Variants in PMFBP1 observed in about 807,000 individuals in gnomAD.
PMFBP1 encodes polyamine-modulated factor 1-binding protein 1.
In PMFBP1, 131 loss-of-function variants were observed where a neutral mutation model predicts 137.8. That is an observed-to-expected ratio of 0.95 (90% CI 0.82 to 1.10). The LOEUF (loss-of-function observed/expected upper bound fraction) is 1.10. Among genes scored for constraint, PMFBP1 ranks in the 50% least tolerant of loss-of-function variants. The probability of loss-of-function intolerance (pLI) is 0.00; values close to 1 mark genes in which losing one functional copy is unlikely to be tolerated. For synonymous variants in PMFBP1, 490 were observed against 450.4 expected, an observed-to-expected ratio of 1.09 and a Z score of -1.11; for missense variants, 1,199 against 1,175.4, an observed-to-expected ratio of 1.02 and a Z score of -0.29.
chr16:72,222,584 C>G, the PMFBP1 span, among the ~76,000 whole-genome samples: 1 of 152,106 alleles, frequency 6.6e-6, no homozygotes, highest in Admixed American at 6.5e-5. Context: ...CTGTGCCCAT[C>G]CCTCAGGTCA....
At position 72,130,601 on chromosome 16, in the gene PMFBP1, T is replaced by G. The variant is rs1233680837; in HGVS notation, c.1569A>C (p.Glu523Asp). ...GCAGCATCTGAAGTTCTCTCTGTAG[T>G]TCCTGGATGGTGTCTGCCTTCTGCT... ...LDKQKADTIQ[E>D]LQRELQMLQK... Residue 523 changes from glutamate (E) to aspartate (D), a missense_variant, in exon 11 of 21, where the codon GAA becomes GAC. By Grantham distance (45) the Glu-to-Asp change is conservative. Coordinates refer to ENST00000237353, the MANE Select transcript of PMFBP1 (RefSeq NM_031293.3). The G allele has an allele frequency of 1.2e-6, 2 of 1,614,002 alleles. No individual in the cohort carries two copies. Among genetic ancestry groups the G allele is most frequent in the East Asian group, 4.5e-5 (2 of 44,840 alleles).
chr16:72,137,629 G>T (rs2042652585), intron 7 of PMFBP1, among the ~76,000 whole-genome samples: 1 of 152,146 alleles, frequency 6.6e-6, no homozygotes, highest in South Asian at 2.1e-4. Flanking sequence ...CAGGCAATGG[G>T]GAGAGCTGGA....
In PMFBP1 at chr16:72,136,763, G is replaced by C. The variant is rs1442144737; in HGVS notation, c.975C>G (p.Tyr325Ter). The change falls in exon 8 of 21, where the codon TAC becomes TAG. Residue 325 changes from tyrosine to a stop codon, truncating the protein, a stop_gained. Transcript: ENST00000237353. LOFTEE classifies it high-confidence loss of function. ...CGCGCAGATCCTTCACCAGGTTCTG[G>C]TACTCCTCCACATGCAGGCACTGGC... The part of the protein sequence containing the change: ...KDSQCLHVEE[Y>*]QNLVKDLRVE... 6.2e-7 allele frequency: 1 copy of C among 1,613,950 alleles called. No individual in the cohort carries two copies. The highest frequency in any genetic ancestry group is 8.5e-7 in the Non-Finnish European group (1 of 1,180,020).
At position 72,141,486 on chromosome 16, in the gene PMFBP1, A is replaced by T. The variant is rs994795468; in HGVS notation, c.637-904T>A. 5.9e-5 allele frequency among the ~76,000 whole-genome samples: 9 copies of T among 152,324 alleles called. No individual in the cohort carries two copies. The South Asian group carries it at 1.0e-3, about 18-fold the overall frequency. ...ACTTTCCAGAGATGACAGTCTGTGCATATTCTAGAACTTTATACTATATTT... is the reference window on the plus strand; with the variant it reads ...ACTTTCCAGAGATGACAGTCTGTGCTTATTCTAGAACTTTATACTATATTT... On this transcript the variant is annotated intron_variant, in intron 5 of 20. Coordinates refer to ENST00000237353, the MANE Select transcript of PMFBP1 (RefSeq NM_031293.3).
upstream of PMFBP1, among the ~76,000 whole-genome samples, chr16:72,180,195 G>A (rs1325761084): frequency 2.6e-5 from 4 of 152,220 alleles, no homozygotes; most frequent in Admixed American, 2.0e-4. Context: ...CCAGCTAAGA[G>A]TAGGAAGCAA....
the PMFBP1 span, among the ~76,000 whole-genome samples, chr16:72,226,836 C>G: frequency 6.6e-6 from 1 of 152,132 alleles, no homozygotes; most frequent in Non-Finnish European, 1.5e-5. Context: ...TTCCTTAACC[C>G]CTTGATCTCC....
the PMFBP1 span, among the ~76,000 whole-genome samples, chr16:72,214,976 C>T: frequency 1.3e-5 from 2 of 152,008 alleles, no homozygotes; most frequent in African/African-American, 4.8e-5. Context: ...AAAAATCAGT[C>T]CTTGAGATAT....
chr16:72,214,902 A>T, the PMFBP1 span, among the ~76,000 whole-genome samples: 1 of 152,210 alleles, frequency 6.6e-6, no homozygotes, highest in Non-Finnish European at 1.5e-5. Context: ...TTAAGGTAAG[A>T]TTAGGGCATC....
At chr16:72,118,769 G>A (rs540490446), downstream of PMFBP1, among the ~76,000 whole-genome samples, 7 of 151,882 alleles carry the variant, frequency 4.6e-5, no homozygotes, top group Non-Finnish European at 2.9e-5. Flanking sequence ...TGGGCGGGGG[G>A]GCAGGTGGCG....
chr16:72,193,130 T>C, the PMFBP1 span, among the ~76,000 whole-genome samples: 1 of 152,140 alleles, frequency 6.6e-6, no homozygotes, highest in Admixed American at 6.5e-5. Context: ...GTCGCGCCTG[T>C]AATCCCAGCA....
chr16:72,141,653 A>T (rs1258198334), intron 5 of PMFBP1, among the ~76,000 whole-genome samples: 1 of 152,140 alleles, frequency 6.6e-6, no homozygotes, highest in Admixed American at 6.5e-5. Flanking sequence ...AATTGCTTTT[A>T]AATGTGTTGA....
chr16:72,184,710 T>G, the PMFBP1 span, among the ~76,000 whole-genome samples: 1 of 152,246 alleles, frequency 6.6e-6, no homozygotes, highest in South Asian at 2.1e-4. Flanking sequence ...TGAAAGGAAC[T>G]GCCGTCTACT....
chr16:72,207,535 A>C, the PMFBP1 span, among the ~76,000 whole-genome samples: 1 of 152,098 alleles, frequency 6.6e-6, no homozygotes, highest in East Asian at 1.9e-4. Context: ...AGAGAAATGG[A>C]AATTGCAGCA....
the PMFBP1 span, among the ~76,000 whole-genome samples, chr16:72,232,681 A>T: frequency 6.6e-6 from 1 of 152,160 alleles, no homozygotes; most frequent in Non-Finnish European, 1.5e-5. Flanking sequence ...GTGCATGAAG[A>T]GGATAAGTAT....
chr16:72,173,880 G>A (rs574065583), upstream of PMFBP1: 66 of 152,400 alleles, frequency 4.3e-4, no homozygotes, highest in African/African-American at 1.5e-3. Flanking sequence ...TCTGAAGCCA[G>A]GACTTTGCTC....
chr16:72,205,152 CAG>C, the PMFBP1 span, among the ~76,000 whole-genome samples: 1 of 152,204 alleles, frequency 6.6e-6, no homozygotes, highest in Non-Finnish European at 1.5e-5. Context: ...AGGAGAAAGA[CAG>C]AGATGTGGAA....
In PMFBP1 at chr16:72,155,931, G is replaced by A. The variant is rs993874468; in HGVS notation, c.166-1472C>T. Among the ~76,000 whole-genome samples the A allele has an allele frequency of 2.0e-5, 3 of 151,750 alleles. 1 individual carries two copies. The highest frequency in any genetic ancestry group is 2.0e-4 in the Admixed American group (3 of 15,234). ...TATGGATTTTCTGCCTTTTCTAGAC[G>A]TTTCACATATGGAATTGTATAATAT... On this transcript the variant is annotated intron_variant, in intron 3 of 20. Coordinates refer to ENST00000237353, the MANE Select transcript of PMFBP1 (RefSeq NM_031293.3).
Position 72,140,568 on chromosome 16 carries a change from C to G in PMFBP1, c.651G>C (p.Lys217Asn). 3 of 1,613,352 alleles carry G rather than the reference C, an allele frequency of 1.9e-6. No individual in the cohort carries two copies. The highest frequency in any genetic ancestry group is 2.5e-6 in the Non-Finnish European group (3 of 1,179,454). ...ATATCCGTACCTTTGAATGATCACC[C>G]TTGTTCTCAGGCTCCTGAGAGATTT... ...GGIMGQEPEN[K>N]GDHSKVRIYT... The change falls in exon 6 of 21, where the codon AAG becomes AAC. Residue 217 changes from lysine to asparagine, a missense_variant. Physicochemically the swap from Lys to Asn is moderately conservative, Grantham distance 94 (BLOSUM62 0). Transcript: ENST00000237353.
intron 3 of PMFBP1, among the ~76,000 whole-genome samples, chr16:72,159,864 C>T (rs1300763250): frequency 1.3e-5 from 2 of 150,760 alleles, no homozygotes; most frequent in African/African-American, 4.9e-5. Flanking sequence ...TCTTCTTTGA[C>T]TTTTAAACTG....
Sources: gnomAD v4.1 joint callset for allele counts (sites outside exome capture counted in the v4.1 genomes callset) on GRCh38, gnomAD v4.1.1 for gene constraint, MANE v1.5 for transcripts, NCBI Gene and HGNC (gene_info 2026-07-23, HGNC 2026-07-21) for gene names.